The following IFFO2 variants were observed in gnomAD, a reference collection of about 807,000 sequenced individuals.
IFFO2 encodes the protein intermediate filament family orphan 2.
IFFO2 carries 19 observed loss-of-function variants against 53.5 expected under a neutral mutation model. The ratio of observed to expected loss-of-function variants is 0.36; its 90% confidence interval spans 0.25 to 0.52. IFFO2 has a LOEUF of 0.52. Among genes scored for constraint, IFFO2 ranks in the 20% least tolerant of loss-of-function variants. IFFO2 has a pLI of 0.94. For synonymous variants in IFFO2, 303 were observed against 313.6 expected, an observed-to-expected ratio of 0.97 and a Z score of 0.36; for missense variants, 570 against 727.4, an observed-to-expected ratio of 0.78 and a Z score of 2.49.
intron 5 of IFFO2, among the ~76,000 whole-genome samples, chr1:18,913,477 C>T (rs1370785145): frequency 2.0e-5 from 3 of 152,236 alleles, no homozygotes; most frequent in Non-Finnish European, 2.9e-5. Flanking sequence ...AGAAGGGACT[C>T]GGAAGAGGCC....
chr1:18,929,322 G>A (rs566214575), intron 1 of IFFO2, among the ~76,000 whole-genome samples: 5 of 152,170 alleles, frequency 3.3e-5, no homozygotes, highest in South Asian at 2.1e-4. Flanking sequence ...GCTCTTCACC[G>A]GTGTCACCCT....
At chr1:18,954,033 C>T (rs1297897940) in intron 1 of IFFO2, among the ~76,000 whole-genome samples, 1 of 152,210 alleles carries the variant, frequency 6.6e-6, no homozygotes, top group African/African-American at 2.4e-5. Flanking sequence ...GCCCCAATGA[C>T]ATTGACCATG....
At chr1:18,927,286 G>A (rs1303707062) in intron 1 of IFFO2, among the ~76,000 whole-genome samples, 2 of 152,234 alleles carry the variant, frequency 1.3e-5, no homozygotes, top group Non-Finnish European at 2.9e-5. Context: ...CGAGCGGCCG[G>A]CACGCCTAGG....
rs1212614281 is a variant in IFFO2 at position 18,917,289 on chromosome 1, G to T, written c.964-247C>A. 6.6e-6 allele frequency among the ~76,000 whole-genome samples: 1 copy of T among 152,150 alleles called. No homozygotes were observed. Among genetic ancestry groups the T allele is most frequent in the Non-Finnish European group, 1.5e-5 (1 of 68,026 alleles). On this transcript the variant is annotated intron_variant, in intron 4 of 8. Coordinates refer to ENST00000455833, the MANE Select transcript of IFFO2 (RefSeq NM_001136265.2). This position sits in a 1 kb window ranked among gnomAD's most constrained non-coding sequence, Gnocchi z 5.9. ...CCTGGGCGGCCTGGTGGGTGCGCCG[G>T]CTCGGCTCGCCCTTTTACCACAGAA...
intron 6 of IFFO2, among the ~76,000 whole-genome samples, 197 bp from the exon 7 acceptor site, chr1:18,911,673 G>A (rs1936042866): frequency 6.6e-6 from 1 of 152,034 alleles, no homozygotes; most frequent in Non-Finnish European, 1.5e-5. Context: ...CGAATAGCTG[G>A]GATTACAGGT....
At chr1:18,937,348 C>T (rs1377911005) in intron 1 of IFFO2, among the ~76,000 whole-genome samples, 1 of 152,182 alleles carries the variant, frequency 6.6e-6, no homozygotes, top group East Asian at 1.9e-4. Flanking sequence ...CAAACACGCG[C>T]ACCAAAAGAA....
At chr1:18,908,998 G>C (rs1205841426) in intron 8 of IFFO2, among the ~76,000 whole-genome samples, 1 of 151,926 alleles carries the variant, frequency 6.6e-6, no homozygotes, top group African/African-American at 2.4e-5. Context: ...ATGACTCAGA[G>C]CTCAAAAGGA....
At chr1:18,954,352 G>C (rs1457553834) in intron 1 of IFFO2, among the ~76,000 whole-genome samples, 2 of 152,216 alleles carry the variant, frequency 1.3e-5, no homozygotes, top group Non-Finnish European at 2.9e-5. Context: ...TCTCTGATGA[G>C]CAAACAGGCT....
At chr1:18,943,182 C>A (rs1569862471) in intron 1 of IFFO2, among the ~76,000 whole-genome samples, 1 of 151,962 alleles carries the variant, frequency 6.6e-6, no homozygotes, top group East Asian at 1.9e-4. Context: ...GCCCCGGCAA[C>A]ATAGCGAGAC....
chr1:18,918,967 G>A lies in IFFO2; in HGVS notation c.823-465C>T, dbSNP rs1174291467. 6.6e-6 allele frequency among the ~76,000 whole-genome samples: 1 copy of A among 152,086 alleles called. No homozygotes were observed. Among genetic ancestry groups the A allele is most frequent in the Non-Finnish European group, 1.5e-5 (1 of 68,004 alleles). On this transcript the variant is annotated intron_variant, in intron 3 of 8. Transcript: ENST00000455833. The surrounding 1 kb of genome is among the most constrained non-coding windows in gnomAD (Gnocchi z 5.2). ...TCCCCTTGGACACAAGTGAGAGGGAGCCCAGTGGCCTCCAACTAGGGTCCT... is the reference window on the plus strand; with the variant it reads ...TCCCCTTGGACACAAGTGAGAGGGAACCCAGTGGCCTCCAACTAGGGTCCT...
At chr1:18,912,740 C>G (rs549219171) in intron 5 of IFFO2, among the ~76,000 whole-genome samples, 2 of 151,102 alleles carry the variant, frequency 1.3e-5, no homozygotes, top group South Asian at 2.1e-4. Flanking sequence ...ACTATCGTTC[C>G]CATTTTGCAG....
At chr1:18,926,860 C>A (rs1396112706) in intron 1 of IFFO2, among the ~76,000 whole-genome samples, 1 of 152,166 alleles carries the variant, frequency 6.6e-6, no homozygotes, top group Admixed American at 6.5e-5. Context: ...ACTTCCTGTG[C>A]AGTCAGAAAA....
At chr1:18,950,762 G>A (rs559071813) in intron 1 of IFFO2, among the ~76,000 whole-genome samples, 3 of 152,300 alleles carry the variant, frequency 2.0e-5, no homozygotes, top group Admixed American at 2.0e-4. Context: ...CCCCCCTGGG[G>A]TGTGACGGGA....
At chr1:18,955,592 TC>T in intron 1 of IFFO2, 75 bp downstream of exon 1, 1 of 1,477,410 alleles carries the variant, frequency 6.8e-7, no homozygotes, top group South Asian at 1.3e-5. Context: ...CCGGCCCCCG[TC>T]CCGCATACGC....
chr1:18,939,924 G>A (rs1936499175), intron 1 of IFFO2, among the ~76,000 whole-genome samples: 1 of 152,210 alleles, frequency 6.6e-6, no homozygotes, highest in Non-Finnish European at 1.5e-5. Context: ...GATTTGCAGT[G>A]GTCCTAGCCC....
At position 18,905,623 on chromosome 1, in the gene IFFO2, G is replaced by A. The variant is rs953823999; in HGVS notation, c.*2938C>T. 3 of 152,088 alleles carry A rather than the reference G, an allele frequency of 2.0e-5. No homozygotes were observed. The highest frequency in any genetic ancestry group is 6.5e-5 in the Admixed American group (1 of 15,278). The allele number at this position is 152,088 out of a possible 1,614,324, so 9.4% of individuals were successfully genotyped here. A position where few individuals can be genotyped will look rare whatever the true frequency, so the allele number is the denominator to read the frequency against. On this transcript the variant is annotated 3_prime_UTR_variant, in exon 9 of 9. Transcript: ENST00000455833. Reference sequence around the variant, plus strand: ...GGACCTCAAGACATTTTCTCAAGACGAGAAAGAAAAATGTGTTGATTTGCC... The same window carrying A: ...GGACCTCAAGACATTTTCTCAAGACAAGAAAGAAAAATGTGTTGATTTGCC...
rs960857674 is a variant in IFFO2 at position 18,928,844 on chromosome 1, C to T, written c.666-7723G>A. On this transcript the variant is annotated intron_variant, in intron 1 of 8. Transcript: ENST00000455833. The surrounding 1 kb of genome is among the most constrained non-coding windows in gnomAD (Gnocchi z 4.9). ...ACATTTGCAGTGTTATTTGCACGCC[C>T]TGGATAGGGCCCTTCCTTGGAGTCC... is the stretch of plus-strand genomic sequence containing the variant. 6.6e-6 allele frequency among the ~76,000 whole-genome samples: 1 copy of T among 152,152 alleles called. No individual in the cohort carries two copies. The highest frequency in any genetic ancestry group is 1.5e-5 in the Non-Finnish European group (1 of 68,020).
chr1:18,931,296 TC>T (rs1314765770), intron 1 of IFFO2, among the ~76,000 whole-genome samples: 1 of 151,958 alleles, frequency 6.6e-6, no homozygotes, highest in Non-Finnish European at 1.5e-5. Context: ...ACGTGGGCAC[TC>T]CCCCTACCCC....
In IFFO2 at chr1:18,905,893, C is replaced by G. The variant is rs956549383; in HGVS notation, c.*2668G>C. On this transcript the variant is annotated 3_prime_UTR_variant, in exon 9 of 9. Coordinates refer to ENST00000455833, the MANE Select transcript of IFFO2 (RefSeq NM_001136265.2). ...GACACTGGGCTTAGAAATAGAAAGT[C>G]AAAATTAAGTATTTACAGCTTTACA... 1 of 152,176 alleles carries G rather than the reference C, an allele frequency of 6.6e-6. No individual in the cohort carries two copies. Among genetic ancestry groups the G allele is most frequent in the Non-Finnish European group, 1.5e-5 (1 of 68,036 alleles). 9.4% of individuals were successfully genotyped at this position (152,176 alleles called of 1,614,324 possible).
Sources: allele counts gnomAD v4.1 joint callset (sites outside exome capture counted in the v4.1 genomes callset), GRCh38; gene constraint gnomAD v4.1.1; non-coding constraint Gnocchi (gnomAD v3.1); transcripts MANE v1.5; gene names NCBI Gene and HGNC (gene_info 2026-07-23, HGNC 2026-07-21).